Variants in SAMD3 observed in about 807,000 individuals in gnomAD.
SAMD3 encodes the protein sterile alpha motif domain containing 3.
Under a neutral mutation model 58.5 loss-of-function variants are expected in SAMD3, and 63 were observed. The ratio of observed to expected loss-of-function variants is 1.08; its 90% CI spans 0.88 to 1.33. SAMD3 has a LOEUF of 1.33. Among genes scored for constraint, SAMD3 ranks in the 40% most tolerant of loss-of-function variants. SAMD3 has a pLI of 0.00. For missense variants in SAMD3, 604 were observed against 608.4 expected (o/e 0.99, Z 0.08); for synonymous variants, 220 against 210.3 (o/e 1.05, Z -0.40).
rs187222175 is a variant in SAMD3 at position 130,365,353 on chromosome 6, C to A, written c.-537G>T. On this transcript the variant is annotated 5_prime_UTR_variant, in exon 1 of 14. Coordinates refer to the SAMD3 transcript ENST00000368134. ...TCCCCCGCCCATGGTTCTCGCCCCC[C>A]CAAGCCGTTCTCCGGAACCCCTTGC... 39 of 985,658 alleles carry A rather than the reference C, an allele frequency of 4.0e-5. No individual in the cohort carries two copies. The Admixed American group carries it at 8.6e-4, about 22-fold the overall frequency. 61.1% of individuals were successfully genotyped at this position (985,658 alleles called of 1,614,324 possible). A position where few individuals can be genotyped will look rare whatever the true frequency, so the allele number is the denominator to read the frequency against.
At chr6:130,212,590 G>A (rs1795666785) in intron 4 of SAMD3, among the ~76,000 whole-genome samples, 1 of 152,238 alleles carries the variant, frequency 6.6e-6, no homozygotes, top group Non-Finnish European at 1.5e-5. Flanking sequence ...TTTTCACAAC[G>A]TACGGATGAA....
chr6:130,292,263 C>CTTTTTTTTTTTTT (rs1412339110), intron 2 of SAMD3, among the ~76,000 whole-genome samples: 2 of 125,820 alleles, frequency 1.6e-5, no homozygotes, highest in East Asian at 2.5e-4. Flanking sequence ...CTTTTTTTTT[C>CTTTTTTTTTTTTT]TTTCTTTCTT....
At position 130,316,001 on chromosome 6, in the gene SAMD3, A is replaced by C. The variant is rs80276693; in HGVS notation, c.-303-2908T>G. Among the ~76,000 whole-genome samples, 622 of 152,200 alleles carry C rather than the reference A, an allele frequency of 4.1e-3. 5 individuals carry two copies. The highest frequency in any genetic ancestry group is 0.014 in the African/African-American group (578 of 41,532). Reference sequence around the variant, plus strand: ...CTCTCAAAGAGACTAAAAGAATGGGATATTAGGGGCCGGGCGTGGTGGCTC... The same window carrying C: ...CTCTCAAAGAGACTAAAAGAATGGGCTATTAGGGGCCGGGCGTGGTGGCTC... On this transcript the variant is annotated intron_variant, in intron 1 of 13. Coordinates refer to the SAMD3 transcript ENST00000368134.
At chr6:130,258,873 G>A (rs1420253389) in intron 2 of SAMD3, among the ~76,000 whole-genome samples, 1 of 152,032 alleles carries the variant, frequency 6.6e-6, no homozygotes, top group African/African-American at 2.4e-5. Context: ...GGGCAATTTG[G>A]GAGATTTTAG....
intron 8 of SAMD3, among the ~76,000 whole-genome samples, chr6:130,165,857 A>G (rs545029144): frequency 6.6e-6 from 1 of 152,284 alleles, no homozygotes; most frequent in South Asian, 2.1e-4. Context: ...GGCCAAGAGG[A>G]CCATCAAGGA....
In SAMD3 at chr6:130,332,072, A is replaced by G. The variant is rs114310903; in HGVS notation, c.-303-18979T>C. 3.2e-3 allele frequency among the ~76,000 whole-genome samples: 485 copies of G among 152,326 alleles called. 1 individual carries two copies. Among genetic ancestry groups the G allele is most frequent in the African/African-American group, 0.011 (475 of 41,560 alleles). On this transcript the variant is annotated intron_variant, in intron 1 of 13. Transcript: ENST00000368134. ...GCTATGGCAGTAGATAAAACAAAAT[A>G]CAATGATGGTTGAATTAGGATGGTA...
At chr6:130,251,964 A>T (rs143558616) in intron 2 of SAMD3, among the ~76,000 whole-genome samples, 1 of 151,082 alleles carries the variant, frequency 6.6e-6, no homozygotes, top group Non-Finnish European at 1.5e-5. Context: ...TTTTTATTGA[A>T]CTTCTGTTTA....
At chr6:130,319,431 AAGG>A (rs886464353) in intron 1 of SAMD3, among the ~76,000 whole-genome samples, 7 of 151,518 alleles carry the variant, frequency 4.6e-5, no homozygotes, top group African/African-American at 1.7e-4. Context: ...GAAAAAAGAC[AAGG>A]AGGAGAGCAG....
intron 2 of SAMD3, among the ~76,000 whole-genome samples, chr6:130,306,573 T>C (rs896421674): frequency 1.3e-5 from 2 of 152,132 alleles, no homozygotes; most frequent in Admixed American, 6.5e-5. Context: ...TAGAAACAAA[T>C]TGCTTCTATT....
chr6:130,172,479 G>T (rs1791341819), intron 8 of SAMD3, among the ~76,000 whole-genome samples: 1 of 152,156 alleles, frequency 6.6e-6, no homozygotes, highest in African/African-American at 2.4e-5. Flanking sequence ...TAGTTTGGCT[G>T]GATATGAAAT....
chr6:130,258,121 G>A (rs1773986318), intron 2 of SAMD3, among the ~76,000 whole-genome samples: 1 of 150,782 alleles, frequency 6.6e-6, no homozygotes, highest in South Asian at 2.2e-4. Flanking sequence ...GGCATGTTTT[G>A]ACTATTATCA....
intron 2 of SAMD3, among the ~76,000 whole-genome samples, chr6:130,273,553 G>A (rs1583035925): frequency 6.6e-6 from 1 of 151,620 alleles, no homozygotes; most frequent in Middle Eastern, 3.4e-3. Context: ...CTGCTTTGTA[G>A]TTCTTTTGTT....
intron 5 of SAMD3, among the ~76,000 whole-genome samples, chr6:130,200,557 C>CA (rs11375395): frequency 0.67 from 64,825 of 97,302 alleles, 20,819 homozygotes; most frequent in African/African-American, 0.72. Flanking sequence ...CCCCGACCCA[C>CA]AAAAAAAAAA....
chr6:130,332,652 G>C (rs1307709827), intron 1 of SAMD3, among the ~76,000 whole-genome samples: 1 of 152,188 alleles, frequency 6.6e-6, no homozygotes, highest in African/African-American at 2.4e-5. Context: ...TCAGTGGTTT[G>C]AGTGGAGATA....
chr6:130,340,321 A>G (rs1171292346), intron 1 of SAMD3, among the ~76,000 whole-genome samples: 2 of 152,138 alleles, frequency 1.3e-5, no homozygotes, highest in African/African-American at 4.8e-5. Context: ...GAATTCTTTG[A>G]CCTGTGGCCT....
intron 1 of SAMD3, among the ~76,000 whole-genome samples, chr6:130,359,965 C>T (rs944292009): frequency 2.6e-5 from 4 of 152,154 alleles, no homozygotes; most frequent in African/African-American, 9.7e-5. Context: ...CAGTTTCCAG[C>T]CATGGCCCTG....
chr6:130,256,791 G>A (rs1422429327), intron 2 of SAMD3, among the ~76,000 whole-genome samples: 1 of 152,158 alleles, frequency 6.6e-6, no homozygotes, highest in Non-Finnish European at 1.5e-5. Flanking sequence ...AGATGTTCCA[G>A]CTTAACCAGA....
At chr6:130,248,086 A>G (rs1181507482) in intron 2 of SAMD3, among the ~76,000 whole-genome samples, 1 of 152,100 alleles carries the variant, frequency 6.6e-6, no homozygotes, top group Non-Finnish European at 1.5e-5. Context: ...AGATTCATAC[A>G]TCTGCTTTCC....
intron 7 of SAMD3, among the ~76,000 whole-genome samples, chr6:130,180,947 T>C (rs935843595): frequency 1.0e-4 from 4 of 39,630 alleles, no homozygotes; most frequent in African/African-American, 2.6e-4. Context: ...TTCTTTTTCT[T>C]TCTTTCTTTT....
Sources: gnomAD v4.1 joint callset for allele counts (sites outside exome capture counted in the v4.1 genomes callset) on GRCh38, gnomAD v4.1.1 for gene constraint, MANE v1.5 for transcripts, NCBI Gene and HGNC (gene_info 2026-07-23, HGNC 2026-07-21) for gene names.